The following AGBL3 variants were observed in gnomAD, a reference collection of about 807,000 sequenced individuals.
The protein encoded by AGBL3 is cytosolic carboxypeptidase 3.
In AGBL3, 68 loss-of-function variants were observed where a neutral mutation model predicts 94.5. That is an observed-to-expected ratio of 0.72 (90% CI 0.59 to 0.88). The LOEUF is 0.88. Among genes scored for constraint, AGBL3 ranks in the 40% least tolerant of loss-of-function variants. The pLI, the probability that AGBL3 is intolerant of heterozygous loss-of-function variation, is 0.00. For missense variants in AGBL3, 934 were observed against 1,103.8 expected (o/e 0.85, Z 2.18); for synonymous variants, 354 against 370.7 (o/e 0.95, Z 0.52).
At chr7:135,040,885 C>CACA (rs60759991) in intron 8 of AGBL3, among the ~76,000 whole-genome samples, 10 of 121,024 alleles carry the variant, frequency 8.3e-5, no homozygotes, top group East Asian at 4.0e-4. Context: ...CACACACACA[C>CACA]CACACACACA....
chr7:134,999,373 C>T (rs1016809160), intron 4 of AGBL3, among the ~76,000 whole-genome samples: 7 of 152,178 alleles, frequency 4.6e-5, no homozygotes, highest in Admixed American at 6.5e-5. Flanking sequence ...AGGAAATCTG[C>T]CCATAGCCAC....
chr7:135,093,034 A>G (rs868845619), intron 15 of AGBL3: 3 of 113,308 alleles, frequency 2.6e-5, no homozygotes, highest in African/African-American at 9.0e-5. Context: ...ATCTTCCTCT[A>G]CTAAAAAAAA....
intron 16 of AGBL3, among the ~76,000 whole-genome samples, chr7:135,120,855 TA>T (rs1827038082): frequency 6.6e-6 from 1 of 152,154 alleles, no homozygotes; most frequent in Non-Finnish European, 1.5e-5. Flanking sequence ...GCATTATATA[TA>T]ATGTTTAAAA....
chr7:135,017,596 A>AT (rs1813954973), intron 5 of AGBL3, among the ~76,000 whole-genome samples: 1 of 152,218 alleles, frequency 6.6e-6, no homozygotes, highest in Non-Finnish European at 1.5e-5. Flanking sequence ...CCCACTTTGC[A>AT]AAAAATCAAA....
intron 16 of AGBL3, among the ~76,000 whole-genome samples, chr7:135,131,908 C>T (rs1362708392): frequency 6.6e-6 from 1 of 152,064 alleles, no homozygotes; most frequent in Admixed American, 6.6e-5. Flanking sequence ...AAACACTACA[C>T]ACAAATTTGA....
intron 1 of AGBL3, among the ~76,000 whole-genome samples, chr7:134,987,200 G>A (rs1011244563): frequency 3.9e-5 from 6 of 152,226 alleles, no homozygotes; most frequent in African/African-American, 1.4e-4. Flanking sequence ...CACGCTTCCT[G>A]TAGAGAGGGG....
chr7:135,122,504 C>G (rs1421005720), intron 16 of AGBL3, among the ~76,000 whole-genome samples: 2 of 152,178 alleles, frequency 1.3e-5, no homozygotes, highest in African/African-American at 4.8e-5. Context: ...GGGTTTCCCC[C>G]CAGCGAAGCA....
chr7:135,043,457 T>TA (rs947681895), intron 8 of AGBL3, among the ~76,000 whole-genome samples: 16 of 152,110 alleles, frequency 1.1e-4, no homozygotes, highest in Admixed American at 1.0e-3. Flanking sequence ...CTAGGAAAGG[T>TA]AGTGGAGGAG....
intron 16 of AGBL3, among the ~76,000 whole-genome samples, chr7:135,119,185 T>TA (rs1171549109): frequency 2.0e-5 from 3 of 151,836 alleles, no homozygotes; most frequent in Non-Finnish European, 4.4e-5. Context: ...AGCAGACCAT[T>TA]AATAGGATAC....
At chr7:135,122,147 G>A (rs1827226578) in intron 16 of AGBL3, among the ~76,000 whole-genome samples, 1 of 152,224 alleles carries the variant, frequency 6.6e-6, no homozygotes, top group Non-Finnish European at 1.5e-5. Context: ...TCCCTGGGTG[G>A]TGGAAGGGCA....
At chr7:135,132,237 T>C (rs2117350001) in intron 16 of AGBL3, among the ~76,000 whole-genome samples, 1 of 152,246 alleles carries the variant, frequency 6.6e-6, no homozygotes, top group South Asian at 2.1e-4. Context: ...AGATTTTGCA[T>C]AAATATAGAT....
At chr7:135,051,845 A>G (rs2116624836) in intron 11 of AGBL3, among the ~76,000 whole-genome samples, 1 of 152,236 alleles carries the variant, frequency 6.6e-6, no homozygotes, top group Non-Finnish European at 1.5e-5. Context: ...TGACTATTGA[A>G]TGCAGTTTAA....
intron 4 of AGBL3, among the ~76,000 whole-genome samples, chr7:134,998,284 C>T (rs985202567): frequency 2.0e-4 from 30 of 152,286 alleles, no homozygotes; most frequent in African/African-American, 6.3e-4. Flanking sequence ...GGCTTCCATT[C>T]AACCTTTTCA....
chr7:135,037,058 T>C (rs1416541388), intron 7 of AGBL3, among the ~76,000 whole-genome samples: 1 of 152,178 alleles, frequency 6.6e-6, no homozygotes, highest in Non-Finnish European at 1.5e-5. Flanking sequence ...CAGCTGGGAT[T>C]ACAGGCATGT....
chr7:135,060,069 T>C (rs1247661274), intron 12 of AGBL3, among the ~76,000 whole-genome samples: 5 of 152,186 alleles, frequency 3.3e-5, no homozygotes, highest in Admixed American at 1.3e-4. Context: ...AGATCCTATG[T>C]TGAAAACCCG....
chr7:135,096,648 G>C (rs1822865010), intron 15 of AGBL3, among the ~76,000 whole-genome samples: 1 of 148,224 alleles, frequency 6.7e-6, no homozygotes, highest in African/African-American at 2.5e-5. Flanking sequence ...ATGACTGGTG[G>C]AAGAACTTAT....
At chr7:135,007,681 A>G (rs1052691400) in intron 4 of AGBL3, among the ~76,000 whole-genome samples, 20 of 151,838 alleles carry the variant, frequency 1.3e-4, no homozygotes, top group Non-Finnish European at 2.5e-4. Context: ...AGACAGAAAG[A>G]GAAGTTTAAA....
chr7:135,008,860 TGGTC>T (rs1164361276), intron 4 of AGBL3, among the ~76,000 whole-genome samples: 2 of 152,160 alleles, frequency 1.3e-5, no homozygotes, highest in African/African-American at 4.8e-5. Flanking sequence ...GATGAACAAA[TGGTC>T]AATAAACACA....
At chr7:135,008,254 T>G (rs1485110243) in intron 4 of AGBL3, among the ~76,000 whole-genome samples, 1 of 152,136 alleles carries the variant, frequency 6.6e-6, no homozygotes, top group African/African-American at 2.4e-5. Flanking sequence ...AAATAGTAAT[T>G]TAGACAGTGT....
Sources: gnomAD v4.1 joint callset for allele counts (sites outside exome capture counted in the v4.1 genomes callset) on GRCh38, gnomAD v4.1.1 for gene constraint, MANE v1.5 for transcripts, NCBI Gene and HGNC (gene_info 2026-07-23, HGNC 2026-07-21) for gene names.